The following BIN1 variants were observed in gnomAD, a reference collection of about 807,000 sequenced individuals.
BIN1 encodes the protein myc box-dependent-interacting protein 1.
A neutral mutation model predicts 82.0 loss-of-function variants in BIN1; 53 were observed. The ratio of observed to expected loss-of-function variants is 0.65; its 90% CI spans 0.52 to 0.81. The LOEUF (loss-of-function observed/expected upper bound fraction) is 0.81, where lower values mean the gene tolerates loss of function less well. Among genes scored for constraint, BIN1 ranks in the 40% least tolerant of loss-of-function variants. The pLI is 0.00. For synonymous variants in BIN1, 302 were observed against 328.0 expected, an observed-to-expected ratio of 0.92 and a Z score of 0.86; for missense variants, 642 against 784.4, an observed-to-expected ratio of 0.82 and a Z score of 2.17.
intron 1 of BIN1, chr2:127,081,785 C>T (rs1389705150): frequency 7.8e-7 from 1 of 1,284,316 alleles, no homozygotes; most frequent in South Asian, 1.2e-5. Flanking sequence ...CTCCCAGGCA[C>T]CCACCACCCA....
chr2:127,062,112 C>A lies in BIN1; in HGVS notation c.857+3G>T. 6.2e-7 allele frequency: 1 copy of A among 1,604,530 alleles called. No individual in the cohort carries two copies. The highest frequency in any genetic ancestry group is 8.5e-7 in the Non-Finnish European group (1 of 1,176,016). On this transcript the variant is annotated splice_donor_region_variant and intron_variant, in intron 10 of 18. Coordinates refer to ENST00000316724, the MANE Select transcript of BIN1 (RefSeq NM_139343.3). The stretch of plus-strand genomic sequence containing the variant: ...GGGGCGCCAGGGCTCTCCCCGCACG[C>A]ACCTGGGCTGGGCCTTGACCGTGAA...
In BIN1 at chr2:127,068,225, G is replaced by A. The variant is rs777940512; in HGVS notation, c.550C>T (p.Gln184Ter). ...PVSLLEKAAP[Q>*]WCQGKLQAHL... Reference sequence around the variant, plus strand: ...GCCTGCAGTTTGCCTTGGCACCACTGGGGGGCGGCTTTCTCAAGCAGCGAG... The same window carrying A: ...GCCTGCAGTTTGCCTTGGCACCACTAGGGGGCGGCTTTCTCAAGCAGCGAG... Residue 184 changes from glutamine to a stop codon, truncating the protein, a stop_gained, in exon 7 of 19, where the codon CAG (glutamine) becomes TAG (stop). Coordinates refer to ENST00000316724, the MANE Select transcript of BIN1 (RefSeq NM_139343.3). LOFTEE classifies it high-confidence loss of function. This position sits in a 1 kb window ranked among gnomAD's most constrained non-coding sequence, Gnocchi z 4.9. 6.2e-7 allele frequency: 1 copy of A among 1,613,362 alleles called. No homozygotes were observed. Among genetic ancestry groups the A allele is most frequent in the Non-Finnish European group, 8.5e-7 (1 of 1,179,914 alleles).
intron 2 of BIN1, among the ~76,000 whole-genome samples, 192 bp from the exon 3 acceptor site, chr2:127,071,008 C>T (rs1341912482): frequency 6.6e-6 from 1 of 152,216 alleles, no homozygotes; most frequent in African/African-American, 2.4e-5. Context: ...CCATAGGCAC[C>T]CTTGCCCATG....
chr2:127,079,631 C>A (rs1687046730), intron 1 of BIN1, among the ~76,000 whole-genome samples: 1 of 152,258 alleles, frequency 6.6e-6, no homozygotes, highest in Non-Finnish European at 1.5e-5. Context: ...CCACTTAGAG[C>A]TTTCCTCACT....
Position 127,106,987 on chromosome 2 carries a change from G to T in BIN1, c.-44C>A. ...CGGTGGCAGGGGCCGCTCTCGCGCG[G>T]GGAGATCTTGCGCGCCGCGCTCCCA... On this transcript the variant is annotated 5_prime_UTR_variant, in exon 1 of 19. Coordinates refer to ENST00000316724, the MANE Select transcript of BIN1 (RefSeq NM_139343.3). 6.3e-7 allele frequency: 1 copy of T among 1,575,726 alleles called. No individual in the cohort carries two copies. Among genetic ancestry groups the T allele is most frequent in the Middle Eastern group, 1.7e-4 (1 of 5,996 alleles).
intron 1 of BIN1, among the ~76,000 whole-genome samples, chr2:127,097,850 G>A (rs773431001): frequency 2.0e-5 from 3 of 152,210 alleles, no homozygotes; most frequent in Non-Finnish European, 4.4e-5. Flanking sequence ...CTCAGGCCCT[G>A]AATGGGCCCT....
At position 127,070,545 on chromosome 2, in the gene BIN1, A is replaced by G; in HGVS notation, c.315+8T>C. ...TGAGAAGGGCAGGCCCACCTGTCCCATGCTCACCTCTGCGATCTTGTTTGC... is the reference window on the plus strand; with the variant it reads ...TGAGAAGGGCAGGCCCACCTGTCCCGTGCTCACCTCTGCGATCTTGTTTGC... On this transcript the variant is annotated splice_region_variant and intron_variant, in intron 4 of 18. Transcript: ENST00000316724. 1 of 1,613,838 alleles carries G rather than the reference A, an allele frequency of 6.2e-7. No homozygotes were observed. Among genetic ancestry groups the G allele is most frequent in the Non-Finnish European group, 8.5e-7 (1 of 1,179,980 alleles).
chr2:127,057,650 CA>C lies in BIN1; in HGVS notation c.1003-50del. On this transcript the variant is annotated intron_variant, in intron 11 of 18. Coordinates refer to ENST00000316724, the MANE Select transcript of BIN1 (RefSeq NM_139343.3). The surrounding 1 kb of genome is among the most constrained non-coding windows in gnomAD (Gnocchi z 5.0). ...GGCCGCGCGGGAAGGCACAGCAGAG[CA>C]CGGGGTTTGGGGGAGACAGACAGAG... 1 of 1,471,320 alleles carries C rather than the reference CA, an allele frequency of 6.8e-7. No individual in the cohort carries two copies. Among genetic ancestry groups the C allele is most frequent in the Non-Finnish European group, 9.1e-7 (1 of 1,104,422 alleles). The allele number at this position is 1,471,320 out of a possible 1,614,324, so 91.1% of individuals were successfully genotyped here. A position where few individuals can be genotyped will look rare whatever the true frequency, so the allele number is the denominator to read the frequency against.
At chr2:127,066,137 G>A (rs544920197) in intron 7 of BIN1, among the ~76,000 whole-genome samples, 3 of 152,296 alleles carry the variant, frequency 2.0e-5, no homozygotes, top group South Asian at 2.1e-4. Context: ...TTCCCAAGCA[G>A]GGCAGCCCCG....
intron 9 of BIN1, 33 bp downstream of exon 9, chr2:127,063,538 G>A (rs1272311756): frequency 2.5e-6 from 4 of 1,604,366 alleles, no homozygotes; most frequent in Middle Eastern, 1.6e-4. Flanking sequence ...CCAGGGTGGG[G>A]TGTGGCCCCT....
intron 10 of BIN1, 22 bp downstream of exon 10, chr2:127,062,093 C>G (rs115112451): frequency 6.3e-7 from 1 of 1,588,810 alleles, no homozygotes; most frequent in East Asian, 2.3e-5. Context: ...GTCAGGGGCG[C>G]CAGGGCTCTC....
chr2:127,091,981 C>T (rs906681183), intron 1 of BIN1, among the ~76,000 whole-genome samples: 1 of 152,044 alleles, frequency 6.6e-6, no homozygotes, highest in Non-Finnish European at 1.5e-5. Flanking sequence ...GAGGGAGTCA[C>T]GTGGCTACCC....
At chr2:127,075,768 C>G in intron 2 of BIN1, among the ~76,000 whole-genome samples, 1 of 135,724 alleles carries the variant, frequency 7.4e-6, no homozygotes, top group African/African-American at 2.8e-5. Context: ...CCCCACCACC[C>G]TCTCCCAGAA....
intron 1 of BIN1, among the ~76,000 whole-genome samples, chr2:127,094,126 A>G (rs113380732): frequency 1.3e-5 from 2 of 152,314 alleles, no homozygotes; most frequent in African/African-American, 4.8e-5. Context: ...CCCACACAGG[A>G]TACTATCCCA....
intron 12 of BIN1, chr2:127,056,075 C>T (rs533523325): frequency 6.6e-6 from 1 of 152,414 alleles, no homozygotes; most frequent in African/African-American, 2.4e-5. Flanking sequence ...CCCTGGGTTC[C>T]TTTCCTCACC....
chr2:127,060,399 C>T (rs1215071245), intron 10 of BIN1, among the ~76,000 whole-genome samples: 1 of 152,200 alleles, frequency 6.6e-6, no homozygotes, highest in East Asian at 1.9e-4. Flanking sequence ...TAAATGCAGC[C>T]AGATGCTCAG....
At chr2:127,095,956 A>T (rs1679546915) in intron 1 of BIN1, among the ~76,000 whole-genome samples, 2 of 152,130 alleles carry the variant, frequency 1.3e-5, no homozygotes, top group African/African-American at 4.8e-5. Context: ...TGTTTTGCTG[A>T]GAGAGGAGTC....
At position 127,090,772 on chromosome 2, in the gene BIN1, A is replaced by C. The variant is rs1678827108; in HGVS notation, c.85-14066T>G. On this transcript the variant is annotated intron_variant, in intron 1 of 18. Transcript: ENST00000316724. This position sits in a 1 kb window ranked among gnomAD's most constrained non-coding sequence, Gnocchi z 6.4. Reference sequence around the variant, plus strand: ...GCCAGCACCCACCTGCCTTGGGGCCAAGTGAAGGTCTGAGCTGGGTGGGAA... The same window carrying C: ...GCCAGCACCCACCTGCCTTGGGGCCCAGTGAAGGTCTGAGCTGGGTGGGAA... 1.3e-5 allele frequency among the ~76,000 whole-genome samples: 2 copies of C among 152,216 alleles called. No homozygotes were observed. Among genetic ancestry groups the C allele is most frequent in the African/African-American group, 4.8e-5 (2 of 41,454 alleles).
At position 127,107,135 on chromosome 2, in the gene BIN1, C is replaced by A. The variant is rs886054839; in HGVS notation, c.-192G>T. ...GCGAGCGAGCCAGCGAGCTAGCCAG[C>A]GAGCGACGCGGGGACAGAGGGAGGG... On this transcript the variant is annotated 5_prime_UTR_variant, in exon 1 of 19. Coordinates refer to ENST00000316724, the MANE Select transcript of BIN1 (RefSeq NM_139343.3). The surrounding 1 kb of genome is among the most constrained non-coding windows in gnomAD (Gnocchi z 5.9). The A allele has an allele frequency of 7.4e-6, 4 of 543,704 alleles. No homozygotes were observed. Among genetic ancestry groups the A allele is most frequent in the Non-Finnish European group, 1.1e-5 (4 of 354,586 alleles). The allele number at this position is 543,704 out of a possible 1,614,324, so 33.7% of individuals were successfully genotyped here.
Sources: gnomAD v4.1 joint callset for allele counts (sites outside exome capture counted in the v4.1 genomes callset) on GRCh38, gnomAD v4.1.1 for gene constraint, Gnocchi (gnomAD v3.1) non-coding constraint, MANE v1.5 for transcripts, NCBI Gene and HGNC (gene_info 2026-07-23, HGNC 2026-07-21) for gene names.